TRMT1L: variants seen among roughly 807,000 people sequenced by gnomAD.
TRMT1L encodes the protein tRNA (guanine(27)-N(2))-dimethyltransferase.
In TRMT1L, 28 loss-of-function variants were observed where a neutral mutation model predicts 81.6. The observed-to-expected ratio is 0.34, with a 90% CI of 0.25 to 0.47. The LOEUF (loss-of-function observed/expected upper bound fraction) is 0.47. Ranked by LOEUF, TRMT1L falls within the 20% of genes least tolerant of loss-of-function variation. The pLI is 1.00. For missense variants in TRMT1L, 739 were observed against 877.1 expected, an observed-to-expected ratio of 0.84 and a Z score of 1.99; for synonymous variants, 301 against 303.2, an observed-to-expected ratio of 0.99 and a Z score of 0.07.
chr1:185,156,738 C>T lies in TRMT1L; in HGVS notation c.-26G>A, dbSNP rs961659345. ...AGTTACCGCCTCCGTGCCAAGCCCG[C>T]CCGGGGACCCGGAGCGGGGCTCACG... On this transcript the variant is annotated 5_prime_UTR_variant, in exon 1 of 15. Transcript: ENST00000367506. 8 of 1,611,628 alleles carry T rather than the reference C, an allele frequency of 5.0e-6. No individual in the cohort carries two copies. The highest frequency in any genetic ancestry group is 3.3e-5 in the Admixed American group (2 of 59,874).
At chr1:185,137,909 G>A in intron 9 of TRMT1L, 113 bp from the exon 10 acceptor site, 1 of 998,756 alleles carries the variant, frequency 1.0e-6, no homozygotes. Flanking sequence ...GGGACATCAA[G>A]AAAAATTCAA....
At chr1:185,144,719 C>T (rs1420226812) in intron 5 of TRMT1L, among the ~76,000 whole-genome samples, 2 of 141,782 alleles carry the variant, frequency 1.4e-5, no homozygotes, top group Admixed American at 7.2e-5. Context: ...ACATTACAGT[C>T]GGAATGTTAA....
At chr1:185,134,004 C>T (rs936425820) in intron 10 of TRMT1L, among the ~76,000 whole-genome samples, 2 of 151,902 alleles carry the variant, frequency 1.3e-5, no homozygotes, top group Admixed American at 6.6e-5. Context: ...GCATGTGACT[C>T]GATTGGTTTA....
intron 13 of TRMT1L, among the ~76,000 whole-genome samples, chr1:185,122,103 G>C (rs1214089501): frequency 6.6e-6 from 1 of 152,180 alleles, no homozygotes; most frequent in Non-Finnish European, 1.5e-5. Context: ...CCATGTTGCT[G>C]CAAAGAGCAT....
At chr1:185,147,549 T>G (rs1381182590) in intron 3 of TRMT1L, among the ~76,000 whole-genome samples, 2 of 152,164 alleles carry the variant, frequency 1.3e-5, no homozygotes, top group African/African-American at 2.4e-5. Context: ...GGATTCAGCT[T>G]TATCCTATTC....
At chr1:185,150,029 T>C (rs1307182087) in intron 3 of TRMT1L, among the ~76,000 whole-genome samples, 1 of 152,198 alleles carries the variant, frequency 6.6e-6, no homozygotes, top group African/African-American at 2.4e-5. Flanking sequence ...TCATACAAAT[T>C]ATTTTATTTT....
At chr1:185,121,342 C>A (rs1294548473) in intron 13 of TRMT1L, among the ~76,000 whole-genome samples, 4 of 151,890 alleles carry the variant, frequency 2.6e-5, no homozygotes, top group African/African-American at 9.7e-5. Context: ...ACCTGTGTAA[C>A]TGGGACCCAA....
At chr1:185,157,016 G>T, upstream of TRMT1L, 1 of 385,592 alleles carries the variant, frequency 2.6e-6, no homozygotes, top group Non-Finnish European at 4.7e-6. Context: ...AAGAGGGTTC[G>T]GTTTCTACGG....
rs186208358 is a variant in TRMT1L at position 185,145,500 on chromosome 1, A to G, written c.594T>C (p.Asp198=). 9 of 1,612,242 alleles carry G rather than the reference A, an allele frequency of 5.6e-6. No homozygotes were observed. Among genetic ancestry groups the G allele is most frequent in the Admixed American group, 1.7e-5 (1 of 59,972 alleles). The change falls in exon 5 of 15, where the codon GAT becomes GAC. Residue 198 remains aspartate, a synonymous_variant. Coordinates refer to ENST00000367506, the MANE Select transcript of TRMT1L (RefSeq NM_030934.5). ...TGTGGCGCCTAACATGTCCTAGCAT[A>G]TCAGTTCTTCTGGTGATTGTTGCTG... ...ICSATITRRT[D]MLGHVRRHMN...
rs1456113400 is a variant in TRMT1L at position 185,151,828 on chromosome 1, C to T, written c.343G>A (p.Ala115Thr). The part of the protein sequence containing the change: ...ASSLNSDNLD[A>T]GNRQACPLCP... ...AAAAACCCAAACATGGAAATACCTG[C>T]ATCAAGATTATCTGAGTTCAATGAG... Residue 115 changes from alanine to threonine, a missense_variant, in exon 2 of 15, where the codon GCA becomes ACA. Around this residue, in one of 4 missense-constraint regions of TRMT1L, gnomAD observed 209 missense variants for 165.4 expected, o/e 1.26. Coordinates refer to ENST00000367506, the MANE Select transcript of TRMT1L (RefSeq NM_030934.5). 1.3e-6 allele frequency: 2 copies of T among 1,557,306 alleles called. No homozygotes were observed. Among genetic ancestry groups the T allele is most frequent in the Non-Finnish European group, 8.6e-7 (1 of 1,157,330 alleles).
intron 10 of TRMT1L, 183 bp downstream of exon 10, chr1:185,137,423 A>G: frequency 1.4e-6 from 1 of 716,900 alleles, no homozygotes; most frequent in Non-Finnish European, 2.5e-6. Context: ...GCATGAGTAA[A>G]TAACTTTAAT....
chr1:185,124,687 C>T (rs1204449869), intron 12 of TRMT1L, among the ~76,000 whole-genome samples: 3 of 151,222 alleles, frequency 2.0e-5, no homozygotes, highest in Admixed American at 2.0e-4. Context: ...AAAAGTGAGA[C>T]CCAGTATCCA....
chr1:185,119,831 CA>C lies in TRMT1L; in HGVS notation c.*187del, dbSNP rs1404058821. 5.5e-4 allele frequency: 348 copies of C among 633,608 alleles called. No homozygotes were observed. Among genetic ancestry groups the C allele is most frequent in the South Asian group, 9.7e-4 (23 of 23,826 alleles). 39.2% of individuals were successfully genotyped at this position (633,608 alleles called of 1,614,324 possible). On this transcript the variant is annotated 3_prime_UTR_variant, in exon 15 of 15. Transcript: ENST00000367506. ...TTAAAATTTTAAGTTTGCCTTAAAACAAAAAAAAACTTGGAAAGCAAAGCTC... is the reference window on the plus strand; with the variant it reads ...TTAAAATTTTAAGTTTGCCTTAAAACAAAAAAAACTTGGAAAGCAAAGCTC...
intron 11 of TRMT1L, 22 bp from the exon 12 acceptor site, chr1:185,125,132 G>A (rs759806559): frequency 6.4e-7 from 1 of 1,571,152 alleles, no homozygotes; most frequent in Non-Finnish European, 8.6e-7. Flanking sequence ...AGAATATACA[G>A]AGAACTGGGT....
At chr1:185,128,487 G>A (rs1652690506) in intron 11 of TRMT1L, among the ~76,000 whole-genome samples, 182 bp downstream of exon 11, 1 of 152,098 alleles carries the variant, frequency 6.6e-6, no homozygotes. Flanking sequence ...AGAGAATAAT[G>A]GTAGAGAAAA....
chr1:185,155,952 G>C (rs1653527388), intron 1 of TRMT1L, among the ~76,000 whole-genome samples: 2 of 152,154 alleles, frequency 1.3e-5, no homozygotes, highest in African/African-American at 2.4e-5. Context: ...TCTTTTCGGA[G>C]GCAAGCTGCT....
rs370824580 is a variant in TRMT1L, at chr1:185,123,852, C to T, written c.1822+5G>A. On this transcript the variant is annotated splice_donor_5th_base_variant and intron_variant, in intron 13 of 14. Coordinates refer to ENST00000367506, the MANE Select transcript of TRMT1L (RefSeq NM_030934.5). ...ACATATGTACACACATATATGCATACATACCTTGTGCAATGTAATTATCTG... is the reference window on the plus strand; with the variant it reads ...ACATATGTACACACATATATGCATATATACCTTGTGCAATGTAATTATCTG... The T allele has an allele frequency of 6.7e-7, 1 of 1,497,386 alleles. No individual in the cohort carries two copies. The highest frequency in any genetic ancestry group is 2.5e-5 in the East Asian group (1 of 39,516). The allele number at this position is 1,497,386 out of a possible 1,614,324, so 92.8% of individuals were successfully genotyped here. A position where few individuals can be genotyped will look rare whatever the true frequency, so the allele number is the denominator to read the frequency against.
chr1:185,122,980 C>G (rs1652537022), intron 13 of TRMT1L, among the ~76,000 whole-genome samples: 2 of 152,168 alleles, frequency 1.3e-5, no homozygotes, highest in African/African-American at 4.8e-5. Flanking sequence ...CCACTATGCC[C>G]AGCAAATCTA....
intron 7 of TRMT1L, among the ~76,000 whole-genome samples, chr1:185,142,296 C>A (rs1353563293): frequency 6.6e-6 from 1 of 152,170 alleles, no homozygotes; most frequent in Non-Finnish European, 1.5e-5. Context: ...GGGATTTGAA[C>A]TCAGGCAGTC....
Sources: gnomAD v4.1 joint callset for allele counts (sites outside exome capture counted in the v4.1 genomes callset) on GRCh38, gnomAD v4.1.1 for gene constraint, gnomAD v4.1.1 regional missense constraint, MANE v1.5 for transcripts, NCBI Gene and HGNC (gene_info 2026-07-23, HGNC 2026-07-21) for gene names.